Variants in AKAP19 observed in about 807,000 individuals in gnomAD.
AKAP19 encodes small A-kinase anchoring protein.
At chr2:190,173,489 G>T in the AKAP19 span, among the ~76,000 whole-genome samples, 1 of 152,126 alleles carries the variant, frequency 6.6e-6, no homozygotes, top group African/African-American at 2.4e-5. Flanking sequence ...GTAGTACTGG[G>T]GTGAATGTAG....
the AKAP19 span, among the ~76,000 whole-genome samples, chr2:190,153,057 G>A: frequency 9.2e-5 from 14 of 152,068 alleles, no homozygotes; most frequent in East Asian, 7.7e-4. Context: ...CACGACGCCC[G>A]GCTAATTTTT....
At chr2:190,096,402 T>A in the AKAP19 span, among the ~76,000 whole-genome samples, 1 of 152,124 alleles carries the variant, frequency 6.6e-6, no homozygotes, top group African/African-American at 2.4e-5. Context: ...GAACTCTTCA[T>A]GAGATGAATT....
chr2:190,128,179 A>C, the AKAP19 span, among the ~76,000 whole-genome samples: 1 of 152,204 alleles, frequency 6.6e-6, no homozygotes, highest in Non-Finnish European at 1.5e-5. Flanking sequence ...TCTTTAAGGA[A>C]GTGAAATAGC....
chr2:190,006,173 A>T, the AKAP19 span, among the ~76,000 whole-genome samples: 1 of 152,236 alleles, frequency 6.6e-6, no homozygotes, highest in Non-Finnish European at 1.5e-5. Flanking sequence ...AAAAGTTTAT[A>T]TTAGAAAACT....
chr2:190,190,888 T>G, the AKAP19 span, among the ~76,000 whole-genome samples: 1 of 152,192 alleles, frequency 6.6e-6, no homozygotes, highest in African/African-American at 2.4e-5. Context: ...AAAGAATAGT[T>G]ACATCACTCC....
chr2:190,116,546 C>T, the AKAP19 span, among the ~76,000 whole-genome samples: 12 of 152,280 alleles, frequency 7.9e-5, no homozygotes, highest in East Asian at 2.1e-3. Context: ...CATTTTCTAC[C>T]TCAATCCATA....
chr2:189,943,430 G>C, the AKAP19 span, among the ~76,000 whole-genome samples: 2 of 152,224 alleles, frequency 1.3e-5, no homozygotes, highest in African/African-American at 4.8e-5. Context: ...CTAGATTTTA[G>C]AGGCTGTATG....
chr2:190,126,489 A>C, the AKAP19 span, among the ~76,000 whole-genome samples: 171 of 152,004 alleles, frequency 1.1e-3, 1 homozygote, highest in African/African-American at 3.9e-3. Context: ...CATGATTCTC[A>C]TATGAGATAA....
the AKAP19 span, among the ~76,000 whole-genome samples, chr2:189,939,999 G>T: frequency 2.0e-5 from 3 of 152,116 alleles, no homozygotes; most frequent in Admixed American, 2.0e-4. Context: ...ACAAAAATTG[G>T]CCAGGTGCGG....
At chr2:190,070,430 A>T in the AKAP19 span, among the ~76,000 whole-genome samples, 1 of 151,672 alleles carries the variant, frequency 6.6e-6, no homozygotes, top group African/African-American at 2.4e-5. Context: ...ACTAGGTACA[A>T]CCTTGACTTA....
chr2:189,939,295 A>C, the AKAP19 span, among the ~76,000 whole-genome samples: 14 of 152,178 alleles, frequency 9.2e-5, no homozygotes, highest in Non-Finnish European at 1.8e-4. Flanking sequence ...CGTTACTGGA[A>C]TATCTCCTGC....
At chr2:189,917,377 A>G in the AKAP19 span, 2 of 990,528 alleles carry the variant, frequency 2.0e-6, no homozygotes, top group East Asian at 4.9e-5. Context: ...TTCCCTCTCC[A>G]TATTTCCTCA....
At chr2:190,193,787 G>A in the AKAP19 span, among the ~76,000 whole-genome samples, 5 of 151,916 alleles carry the variant, frequency 3.3e-5, no homozygotes, top group Admixed American at 2.0e-4. Flanking sequence ...TGTCTCTATC[G>A]TATGCTTCAC....
At chr2:190,124,562 T>G in the AKAP19 span, among the ~76,000 whole-genome samples, 1,510 of 151,922 alleles carry the variant, frequency 9.9e-3, 52 homozygotes, top group Admixed American at 0.06. Context: ...ATAAGGAAAT[T>G]AGCCAGGCAT....
chr2:189,953,032 A>G, the AKAP19 span, among the ~76,000 whole-genome samples: 2 of 152,200 alleles, frequency 1.3e-5, no homozygotes, highest in Admixed American at 6.5e-5. Context: ...TTTGTTATCT[A>G]TGCCAGTTGT....
the AKAP19 span, among the ~76,000 whole-genome samples, chr2:189,991,492 C>T: frequency 6.6e-6 from 1 of 152,002 alleles, no homozygotes; most frequent in African/African-American, 2.4e-5. Flanking sequence ...ATTTGTATAT[C>T]TCTTTTGAGA....
chr2:189,970,415 T>A, the AKAP19 span, among the ~76,000 whole-genome samples: 2 of 152,198 alleles, frequency 1.3e-5, no homozygotes, highest in Non-Finnish European at 2.9e-5. Flanking sequence ...AATACTTTTA[T>A]TAGTTATTTA....
chr2:189,925,695 C>G, the AKAP19 span, among the ~76,000 whole-genome samples: 5 of 152,024 alleles, frequency 3.3e-5, no homozygotes, highest in Admixed American at 1.3e-4. Context: ...ATGAGACGCC[C>G]TAACCCAAGG....
chr2:190,103,420 G>T, the AKAP19 span, among the ~76,000 whole-genome samples: 1 of 152,212 alleles, frequency 6.6e-6, no homozygotes, highest in Non-Finnish European at 1.5e-5. Flanking sequence ...CTGACCATAT[G>T]ATTCTATACT....
Sources: gnomAD v4.1 joint callset for allele counts (sites outside exome capture counted in the v4.1 genomes callset) on GRCh38, gnomAD v4.1.1 for gene constraint, MANE v1.5 for transcripts, NCBI Gene and HGNC (gene_info 2026-07-23, HGNC 2026-07-21) for gene names.